SCN8A: variants seen among roughly 807,000 people sequenced by gnomAD.
The protein encoded by SCN8A is sodium channel protein type 8 subunit alpha.
Under a neutral mutation model 184.1 loss-of-function variants are expected in SCN8A, and 30 were observed. The ratio of observed to expected loss-of-function variants is 0.16; its 90% confidence interval spans 0.12 to 0.22. The LOEUF is 0.22. SCN8A is among the 10% of genes least tolerant of loss of function. The pLI, the probability that SCN8A is intolerant of heterozygous loss-of-function variation, is 1.00. For missense variants in SCN8A, 1,057 were observed against 2,498.9 expected (o/e 0.42, Z 12.30); for synonymous variants, 852 against 907.0 (o/e 0.94, Z 1.09).
chr12:51,734,994 C>T (rs1427606716), intron 12 of SCN8A, among the ~76,000 whole-genome samples: 4 of 152,166 alleles, frequency 2.6e-5, no homozygotes, highest in African/African-American at 9.7e-5. Context: ...TTTAATTTTG[C>T]AATATCCAAA....
chr12:51,687,532 C>T lies in SCN8A; in HGVS notation c.614+313C>T, dbSNP rs139226002. Among the ~76,000 whole-genome samples the T allele has an allele frequency of 3.6e-3, 542 of 152,244 alleles. 5 individuals carry two copies. Among genetic ancestry groups the T allele is most frequent in the African/African-American group, 0.012 (519 of 41,532 alleles). ...CCTTGTAACGATCACGGTTTGCACACCTATCATTACAAGGCCTCTGTGAAG... is the reference window on the plus strand; with the variant it reads ...CCTTGTAACGATCACGGTTTGCACATCTATCATTACAAGGCCTCTGTGAAG... On this transcript the variant is annotated intron_variant, in intron 5 of 26. Transcript: ENST00000627620.
At chr12:51,684,124 G>A (rs1350878529) in intron 2 of SCN8A, 50 bp from the exon 3 acceptor site, 2 of 884,842 alleles carry the variant, frequency 2.3e-6, no homozygotes, top group South Asian at 2.6e-5. Flanking sequence ...GTTTCATGTG[G>A]TGACTCATAC....
At position 51,631,436 on chromosome 12, in the gene SCN8A, T is replaced by C. The variant is rs116448143; in HGVS notation, c.-54-31328T>C. Among the ~76,000 whole-genome samples the C allele has an allele frequency of 9.5e-3, 1,443 of 152,310 alleles. 31 individuals are homozygous for C. Among genetic ancestry groups the C allele is most frequent in the African/African-American group, 0.033 (1,353 of 41,564 alleles). The stretch of plus-strand genomic sequence containing the variant: ...AGATGCAGATGTGATTCTAAGTTGT[T>C]TATTTATTCTTGTGGTCCAGCCACT... On this transcript the variant is annotated intron_variant, in intron 1 of 26. Transcript: ENST00000627620.
chr12:51,742,533 G>A (rs1199982230), intron 12 of SCN8A, among the ~76,000 whole-genome samples: 6 of 150,934 alleles, frequency 4.0e-5, no homozygotes, highest in Admixed American at 4.0e-4. Flanking sequence ...CTCCTAGCCT[G>A]TAAGGTTTTT....
chr12:51,807,346 GA>G lies in SCN8A; in HGVS notation c.5864del (p.Lys1955ArgfsTer38), dbSNP rs1226759031. ...GTCCTATGACAGTGTAACTAAACCTGAAAAGGAGAAACAGCAGCGGGCAGAG... is the reference window on the plus strand; with the variant it reads ...GTCCTATGACAGTGTAACTAAACCTGAAAGGAGAAACAGCAGCGGGCAGAG... The part of the protein sequence containing the change: ...LPSYDSVTKP[E>X]KEKQQRAEEG... On this transcript the variant is annotated frameshift_variant, in exon 27 of 27. Transcript: ENST00000627620. LOFTEE classifies it high-confidence loss of function. The surrounding 1 kb of genome is among the most constrained non-coding windows in gnomAD (Gnocchi z 4.5). The G allele has an allele frequency of 6.2e-7, 1 of 1,613,666 alleles. No individual in the cohort carries two copies.
At chr12:51,794,038 C>T (rs557723489) in intron 25 of SCN8A, among the ~76,000 whole-genome samples, 2 of 151,260 alleles carry the variant, frequency 1.3e-5, no homozygotes, top group East Asian at 2.0e-4. Flanking sequence ...CCCAGCTACT[C>T]GGGAGACTGA....
intron 1 of SCN8A, among the ~76,000 whole-genome samples, chr12:51,618,297 C>G (rs1939884491): frequency 6.6e-6 from 1 of 152,062 alleles, no homozygotes; most frequent in Non-Finnish European, 1.5e-5. Flanking sequence ...AACACACACA[C>G]AATTCAGATT....
At chr12:51,659,008 G>T (rs910570410) in intron 1 of SCN8A, among the ~76,000 whole-genome samples, 5 of 152,032 alleles carry the variant, frequency 3.3e-5, no homozygotes, top group African/African-American at 1.2e-4. Flanking sequence ...AAGAAATAAA[G>T]GTATGGCTAC....
chr12:51,705,404 T>C lies in SCN8A; in HGVS notation c.1135-13T>C, dbSNP rs1057520363. ...GGTACAAGTGACTCAGAAAATGGCC[T>C]TTGTCTTTGCAGACTTTACGAGCAG... On this transcript the variant is annotated splice_polypyrimidine_tract_variant and intron_variant, in intron 9 of 26. Transcript: ENST00000627620. The C allele has an allele frequency of 2.5e-6, 4 of 1,613,302 alleles. No homozygotes were observed. The highest frequency in any genetic ancestry group is 1.1e-5 in the South Asian group (1 of 91,034).
chr12:51,671,661 T>G (rs1310918486), intron 2 of SCN8A, among the ~76,000 whole-genome samples: 2 of 152,242 alleles, frequency 1.3e-5, no homozygotes, highest in Non-Finnish European at 2.9e-5. Context: ...TAAACATATT[T>G]TAAGTGCTTT....
intron 17 of SCN8A, among the ~76,000 whole-genome samples, chr12:51,769,612 T>C (rs1295055427): frequency 6.6e-6 from 1 of 152,202 alleles, no homozygotes; most frequent in Non-Finnish European, 1.5e-5. Context: ...ATCTGAGTTA[T>C]AGCCCTGAAA....
intron 26 of SCN8A, among the ~76,000 whole-genome samples, chr12:51,805,248 C>CA (rs916776963): frequency 6.6e-6 from 1 of 152,052 alleles, no homozygotes; most frequent in Admixed American, 6.6e-5. Context: ...TGTTAAATCT[C>CA]AAAAACAAGG....
At chr12:51,705,749 A>C in intron 10 of SCN8A, 126 bp downstream of exon 10, 1 of 842,420 alleles carries the variant, frequency 1.2e-6, no homozygotes, top group East Asian at 2.7e-5. Flanking sequence ...GTCTGATGAA[A>C]ATAACCCAAG....
chr12:51,768,728 A>G, intron 16 of SCN8A, 137 bp from the exon 17 acceptor site: 1 of 644,146 alleles, frequency 1.6e-6, no homozygotes, highest in Non-Finnish European at 2.5e-6. Flanking sequence ...GCATTAAAAT[A>G]CTACGTGGGC....
intron 2 of SCN8A, among the ~76,000 whole-genome samples, chr12:51,668,829 C>T (rs754230042): frequency 6.6e-6 from 1 of 152,138 alleles, no homozygotes; most frequent in Non-Finnish European, 1.5e-5. Context: ...CATAGTCCAT[C>T]CCTAACCTAT....
At chr12:51,644,316 G>A (rs1198091941) in intron 1 of SCN8A, among the ~76,000 whole-genome samples, 1 of 152,104 alleles carries the variant, frequency 6.6e-6, no homozygotes, top group Non-Finnish European at 1.5e-5. Context: ...TCCCACTGTG[G>A]GACGTAGAGC....
chr12:51,789,555 C>A (rs2138910030), intron 24 of SCN8A, 137 bp downstream of exon 24: 1 of 995,732 alleles, frequency 1.0e-6, no homozygotes, highest in South Asian at 1.6e-5. Context: ...ACCCTGGCCC[C>A]CATACGTTAG....
chr12:51,672,386 G>A (rs1941148276), intron 2 of SCN8A, among the ~76,000 whole-genome samples: 1 of 152,110 alleles, frequency 6.6e-6, no homozygotes, highest in Non-Finnish European at 1.5e-5. Context: ...TGCAGTGTTT[G>A]ACACCATTTA....
intron 3 of SCN8A, 36 bp from the exon 4 acceptor site, chr12:51,686,332 G>T (rs1184727855): frequency 1.5e-6 from 2 of 1,348,942 alleles, no homozygotes; most frequent in African/African-American, 2.9e-5. Flanking sequence ...CAAAAGGCAG[G>T]CCAGATTTTA....
Sources: gnomAD v4.1 joint callset for allele counts (sites outside exome capture counted in the v4.1 genomes callset) on GRCh38, gnomAD v4.1.1 for gene constraint, Gnocchi (gnomAD v3.1) non-coding constraint, MANE v1.5 for transcripts, NCBI Gene and HGNC (gene_info 2026-07-23, HGNC 2026-07-21) for gene names.